SYT17: variants seen among roughly 807,000 people sequenced by gnomAD.
SYT17 encodes the protein synaptotagmin 17.
A neutral mutation model predicts 46.7 loss-of-function variants in SYT17; 22 were observed. That is an observed-to-expected ratio of 0.47 (90% CI 0.34 to 0.67). The LOEUF (loss-of-function observed/expected upper bound fraction) is 0.67. Among genes scored for constraint, SYT17 ranks in the 30% least tolerant of loss-of-function variants. The pLI, the probability that SYT17 is intolerant of heterozygous loss-of-function variation, is 0.01. For synonymous variants in SYT17, 251 were observed against 248.4 expected, an observed-to-expected ratio of 1.01 and a Z score of -0.10; for missense variants, 519 against 612.8, an observed-to-expected ratio of 0.85 and a Z score of 1.62.
chr16:19,183,368 A>G lies in SYT17; in HGVS notation c.332-160A>G, dbSNP rs1964632508. ...GGCAAGGTGTCAATAGTGCCACCAA[A>G]CTATCTGTCACAGAATCAGTGAGTA... On this transcript the variant is annotated intron_variant, in intron 4 of 7. Coordinates refer to ENST00000355377, the MANE Select transcript of SYT17 (RefSeq NM_016524.4). The surrounding 1 kb of genome is among the most constrained non-coding windows in gnomAD (Gnocchi z 5.6). 6.6e-6 allele frequency among the ~76,000 whole-genome samples: 1 copy of G among 152,198 alleles called. No individual in the cohort carries two copies. The highest frequency in any genetic ancestry group is 2.1e-4 in the South Asian group (1 of 4,822).
At position 19,183,648 on chromosome 16, in the gene SYT17, A is replaced by C. The variant is rs1964647790; in HGVS notation, c.452A>C (p.Asp151Ala). 1.2e-6 allele frequency: 2 copies of C among 1,614,100 alleles called. No homozygotes were observed. Among genetic ancestry groups the C allele is most frequent in the East Asian group, 4.5e-5 (2 of 44,876 alleles). The change falls in exon 5 of 8, where the codon GAC (aspartate) becomes GCC (alanine). Residue 151 changes from aspartate to alanine, a missense_variant. Physicochemically the swap from Asp to Ala is moderately radical, Grantham distance 126 (BLOSUM62 -2). Transcript: ENST00000355377. The surrounding 1 kb of genome is among the most constrained non-coding windows in gnomAD (Gnocchi z 5.6). ...PSVLRRTYNP[D>A]DYFRKFEPHL... ...GTGCTCAGACGGACCTATAACCCCG[A>C]CGACTATTTCAGGAAGTTCGAACCC...
intron 7 of SYT17, among the ~76,000 whole-genome samples, chr16:19,245,933 A>G (rs1967518286): frequency 6.6e-6 from 1 of 152,156 alleles, no homozygotes; most frequent in African/African-American, 2.4e-5. Flanking sequence ...ATGTATGTAT[A>G]TATGTGCATA....
At chr16:19,176,335 G>A (rs1964312971) in intron 3 of SYT17, among the ~76,000 whole-genome samples, 1 of 152,184 alleles carries the variant, frequency 6.6e-6, no homozygotes, top group Non-Finnish European at 1.5e-5. Flanking sequence ...GGAGGAAATG[G>A]TGCTAGAATC....
chr16:19,251,853 T>A (rs1173817225), intron 7 of SYT17, among the ~76,000 whole-genome samples: 1 of 152,114 alleles, frequency 6.6e-6, no homozygotes. Context: ...GGATTGCGCA[T>A]ACACAGGGCC....
intron 5 of SYT17, among the ~76,000 whole-genome samples, chr16:19,190,163 C>G (rs1596918291): frequency 6.6e-6 from 1 of 152,126 alleles, no homozygotes; most frequent in Non-Finnish European, 1.5e-5. Context: ...AGGCTCAACT[C>G]TTTTAAAAAA....
In SYT17 at chr16:19,267,072, C is replaced by T. The variant is rs763512134; in HGVS notation, c.1421C>T (p.Thr474Ile). 5.0e-6 allele frequency: 8 copies of T among 1,587,164 alleles called. No individual in the cohort carries two copies. The Admixed American group carries it at 1.1e-4, about 21-fold the overall frequency. Residue 474 changes from threonine (T) to isoleucine (I), a missense_variant, in exon 8 of 8, where the codon ACC becomes ATC. Transcript: ENST00000355377. ...DRVSPASLEVT is the reference protein window; with the variant it reads ...DRVSPASLEVI Reference sequence around the variant, plus strand: ...GTGTCTCCTGCCTCCCTGGAGGTGACCTGAGGGCTGCAGGGAAGGCAGCTT... The same window carrying T: ...GTGTCTCCTGCCTCCCTGGAGGTGATCTGAGGGCTGCAGGGAAGGCAGCTT...
chr16:19,262,513 A>G (rs1969053120), intron 7 of SYT17, among the ~76,000 whole-genome samples: 1 of 152,216 alleles, frequency 6.6e-6, no homozygotes, highest in Admixed American at 6.5e-5. Context: ...AAGGGGAAAG[A>G]GTCCTCTTTG....
intron 5 of SYT17, among the ~76,000 whole-genome samples, chr16:19,189,726 G>A (rs891315688): frequency 2.0e-5 from 3 of 152,188 alleles, no homozygotes; most frequent in Non-Finnish European, 4.4e-5. Context: ...GGAAAGGAGA[G>A]GAGGCAGTTG....
At position 19,168,772 on chromosome 16, in the gene SYT17, C is replaced by A. The variant is rs1011801514; in HGVS notation, c.15+111C>A. On this transcript the variant is annotated intron_variant, in intron 1 of 7. Coordinates refer to ENST00000355377, the MANE Select transcript of SYT17 (RefSeq NM_016524.4). The surrounding 1 kb of genome is among the most constrained non-coding windows in gnomAD (Gnocchi z 6.9). ...CCACGGCTAGGCTCCCACAAACTTG[C>A]TTCGAGAAAAAGGGTGCCCGTGCGC... 10 of 1,336,056 alleles carry A rather than the reference C, an allele frequency of 7.5e-6. No homozygotes were observed. The Admixed American group carries it at 3.0e-4, about 40-fold the overall frequency. The allele number at this position is 1,336,056 out of a possible 1,614,324, so 82.8% of individuals were successfully genotyped here.
At chr16:19,238,171 T>A (rs1286017660) in intron 7 of SYT17, among the ~76,000 whole-genome samples, 1 of 152,226 alleles carries the variant, frequency 6.6e-6, no homozygotes, top group Non-Finnish European at 1.5e-5. Context: ...CAGAACATGC[T>A]GATGGATCAG....
intron 1 of SYT17, chr16:19,172,179 A>T: frequency 3.8e-6 from 1 of 260,598 alleles, no homozygotes; most frequent in Non-Finnish European, 6.3e-6. Context: ...GGGCCACAAC[A>T]GGAAGGGAGG....
At chr16:19,204,038 C>G (rs1333496587) in intron 5 of SYT17, among the ~76,000 whole-genome samples, 1 of 152,138 alleles carries the variant, frequency 6.6e-6, no homozygotes, top group Admixed American at 6.5e-5. Flanking sequence ...ATAGGGGAGG[C>G]CCTGGTCAGA....
chr16:19,265,060 ATCT>A (rs1372155756), intron 7 of SYT17, among the ~76,000 whole-genome samples: 1 of 152,186 alleles, frequency 6.6e-6, no homozygotes, highest in Non-Finnish European at 1.5e-5. Context: ...TCATAATAGT[ATCT>A]TATTTTAGAT....
chr16:19,238,708 G>A (rs1463816744), intron 7 of SYT17, among the ~76,000 whole-genome samples: 1 of 152,206 alleles, frequency 6.6e-6, no homozygotes, highest in Non-Finnish European at 1.5e-5. Context: ...GGGGAGCTGA[G>A]GGTTTATCCA....
rs143817038 is a variant in SYT17, at chr16:19,252,277, A to G, written c.1229-14603A>G. Among the ~76,000 whole-genome samples the G allele has an allele frequency of 7.3e-3, 1,061 of 146,136 alleles. 4 individuals carry two copies. Among genetic ancestry groups the G allele is most frequent in the Non-Finnish European group, 0.013 (848 of 67,166 alleles). On this transcript the variant is annotated intron_variant, in intron 7 of 7. Coordinates refer to ENST00000355377, the MANE Select transcript of SYT17 (RefSeq NM_016524.4). ...CAGAATTCTTCATCCTTTGAAATGA[A>G]ACACATATGTTTTTGTTTGTTTGTT... is the stretch of plus-strand genomic sequence containing the variant.
In SYT17 at chr16:19,224,740, C is replaced by T. The variant is rs761799665; in HGVS notation, c.1130C>T (p.Thr377Met). ...CTCAAACTTGTGAAAACCAAGAAGA[C>T]GTCCTTCTTAAGGGGCACAATTGAT... is the stretch of plus-strand genomic sequence containing the variant. Reference protein sequence around the residue: ...HGLKLVKTKKTSFLRGTIDPF... With the variant: ...HGLKLVKTKKMSFLRGTIDPF... Residue 377 changes from threonine (T) to methionine (M), a missense_variant, in exon 7 of 8, where the codon ACG becomes ATG. Thr to Met is a moderately conservative substitution (Grantham distance 81). Transcript: ENST00000355377. The T allele has an allele frequency of 3.7e-6, 6 of 1,613,930 alleles. No homozygotes were observed. The highest frequency in any genetic ancestry group is 1.1e-5 in the South Asian group (1 of 91,058).
intron 6 of SYT17, among the ~76,000 whole-genome samples, chr16:19,223,449 G>A (rs139052424): frequency 1.4e-3 from 211 of 152,312 alleles, no homozygotes; most frequent in African/African-American, 4.8e-3. Context: ...GCGATAGTGT[G>A]CATTGACTAT....
chr16:19,173,399 T>TCCCCCCCCCCCCC, intron 2 of SYT17, 31 bp from the exon 3 acceptor site: 1 of 95,542 alleles, frequency 1.0e-5, no homozygotes, highest in South Asian at 1.1e-4. Context: ...CTCTCCCCCA[T>TCCCCCCCCCCCCC]CCCCCCGCCC....
chr16:19,220,672 TAATGGGATTTTTCAGTCACAG>T (rs968153937), intron 5 of SYT17, among the ~76,000 whole-genome samples: 82 of 152,158 alleles, frequency 5.4e-4, no homozygotes, highest in Admixed American at 1.6e-3. Context: ...GGGACCACAG[TAATGGGATTTTTCAGTCACAG>T]AGAGAAACTA....
Sources: allele counts gnomAD v4.1 joint callset (sites outside exome capture counted in the v4.1 genomes callset), GRCh38; gene constraint gnomAD v4.1.1; non-coding constraint Gnocchi (gnomAD v3.1); transcripts MANE v1.5; gene names NCBI Gene and HGNC (gene_info 2026-07-23, HGNC 2026-07-21).